SIDT1: variants seen among roughly 807,000 people sequenced by gnomAD.
SIDT1 encodes SID1 transmembrane family, member 1.
In SIDT1, 101 loss-of-function variants were observed where a neutral mutation model predicts 107.5. The ratio of observed to expected loss-of-function variants is 0.94; its 90% confidence interval spans 0.80 to 1.11. SIDT1 has a LOEUF of 1.11. Among genes scored for constraint, SIDT1 ranks in the 50% least tolerant of loss-of-function variants. The pLI is 0.00. For synonymous variants in SIDT1, 395 were observed against 398.2 expected (o/e 0.99, Z 0.10); for missense variants, 1,076 against 1,058.2 (o/e 1.02, Z -0.23).
chr3:113,607,375 G>A (rs1945411698), intron 15 of SIDT1, among the ~76,000 whole-genome samples: 1 of 152,188 alleles, frequency 6.6e-6, no homozygotes, highest in Non-Finnish European at 1.5e-5. Flanking sequence ...TAGCTCTGGT[G>A]GCATTTGTTC....
intron 3 of SIDT1, among the ~76,000 whole-genome samples, chr3:113,575,819 G>A (rs1284259736): frequency 6.6e-6 from 1 of 152,180 alleles, no homozygotes; most frequent in East Asian, 1.9e-4. Context: ...AAAAATTAGA[G>A]TGGAAAGAAA....
At chr3:113,567,935 T>A (rs1942074301) in intron 3 of SIDT1, 1 of 445,776 alleles carries the variant, frequency 2.2e-6, no homozygotes, top group Non-Finnish European at 3.9e-6. Flanking sequence ...CAGGTGAATC[T>A]GTTTTCAGGG....
chr3:113,539,441 T>C (rs1175364491), intron 1 of SIDT1, among the ~76,000 whole-genome samples: 1 of 152,164 alleles, frequency 6.6e-6, no homozygotes, highest in African/African-American at 2.4e-5. Flanking sequence ...TCCAAGTCTA[T>C]TCCTTGGAGC....
At chr3:113,631,042 A>G (rs1248904575), downstream of SIDT1, among the ~76,000 whole-genome samples, 1 of 151,956 alleles carries the variant, frequency 6.6e-6, no homozygotes, top group Non-Finnish European at 1.5e-5. Context: ...TTGTAGCTGC[A>G]TTTCTCTGAC....
intron 1 of SIDT1, among the ~76,000 whole-genome samples, chr3:113,548,124 T>A (rs1464884188): frequency 6.6e-6 from 1 of 152,088 alleles, no homozygotes; most frequent in African/African-American, 2.4e-5. Context: ...TTTGACTTAA[T>A]TTGCTTCCTC....
intron 1 of SIDT1, among the ~76,000 whole-genome samples, chr3:113,554,223 G>A (rs1216516701): frequency 6.6e-6 from 1 of 152,150 alleles, no homozygotes; most frequent in Non-Finnish European, 1.5e-5. Flanking sequence ...CCCAAAGTAT[G>A]TTCGATGGAA....
At chr3:113,534,154 T>C (rs1035870313) in intron 1 of SIDT1, among the ~76,000 whole-genome samples, 2 of 152,172 alleles carry the variant, frequency 1.3e-5, no homozygotes, top group African/African-American at 4.8e-5. Context: ...CTTCTTCCCA[T>C]ATAAATGTGT....
At chr3:113,556,073 T>A (rs1402198515) in intron 1 of SIDT1, among the ~76,000 whole-genome samples, 1 of 152,160 alleles carries the variant, frequency 6.6e-6, no homozygotes, top group Non-Finnish European at 1.5e-5. Flanking sequence ...GGTGTTACTG[T>A]TTCCATTCTA....
rs1560118196 is a variant in SIDT1, at chr3:113,608,408, T to C, written c.1603-11T>C. On this transcript the variant is annotated splice_polypyrimidine_tract_variant and intron_variant, in intron 16 of 24. Coordinates refer to ENST00000264852, the MANE Select transcript of SIDT1 (RefSeq NM_017699.3). The stretch of plus-strand genomic sequence containing the variant: ...TTTAGTATCTATTGACCACCCTTTC[T>C]CCTTTTTCAGGAGTACGGGATTCCC... 1 of 1,600,004 alleles carries C rather than the reference T, an allele frequency of 6.2e-7. No homozygotes were observed. Among genetic ancestry groups the C allele is most frequent in the African/African-American group, 1.3e-5 (1 of 74,776 alleles).
intron 11 of SIDT1, among the ~76,000 whole-genome samples, chr3:113,602,251 T>C (rs889952590): frequency 8.5e-5 from 13 of 152,226 alleles, no homozygotes; most frequent in African/African-American, 3.1e-4. Context: ...ATATTGCTTG[T>C]GGACCTATGA....
intron 1 of SIDT1, among the ~76,000 whole-genome samples, chr3:113,533,686 G>C (rs967993542): frequency 2.6e-5 from 4 of 152,200 alleles, no homozygotes. Context: ...GCATGGGGAG[G>C]GAGAACTGCT....
chr3:113,580,601 T>C lies in SIDT1; in HGVS notation c.562-7T>C. ...ATAAATCATGTCTTTCTTTTTCTTA[T>C]TCTCAGTATTTTCTATACAAGTTTC... On this transcript the variant is annotated splice_polypyrimidine_tract_variant and splice_region_variant and intron_variant, in intron 4 of 24. Transcript: ENST00000264852. 3 of 1,535,398 alleles carry C rather than the reference T, an allele frequency of 2.0e-6. No individual in the cohort carries two copies. Among genetic ancestry groups the C allele is most frequent in the Non-Finnish European group, 2.7e-6 (3 of 1,109,244 alleles).
chr3:113,580,637 G>T lies in SIDT1; in HGVS notation c.591G>T (p.Val197=). 1 of 1,610,922 alleles carries T rather than the reference G, an allele frequency of 6.2e-7. No homozygotes were observed. Among genetic ancestry groups the T allele is most frequent in the Non-Finnish European group, 8.5e-7 (1 of 1,177,332 alleles). The change falls in exon 5 of 25, where the codon GTG becomes GTT. Residue 197 remains valine (V), a synonymous_variant. Coordinates refer to ENST00000264852, the MANE Select transcript of SIDT1 (RefSeq NM_017699.3). ...TTCTATACAAGTTTCCCAAAGACGTGGACTCAGTTATCATTAAAGTGGTGT... is the reference window on the plus strand; with the variant it reads ...TTCTATACAAGTTTCCCAAAGACGTTGACTCAGTTATCATTAAAGTGGTGT... ...QYFLYKFPKD[V]DSVIIKVVSE...
chr3:113,598,394 G>A (rs1023812250), intron 10 of SIDT1, among the ~76,000 whole-genome samples: 2 of 152,038 alleles, frequency 1.3e-5, no homozygotes, highest in Non-Finnish European at 2.9e-5. Context: ...AGAGAACATT[G>A]GCTCCCACGA....
At chr3:113,619,541 G>A (rs1448920824) in intron 20 of SIDT1, 139 bp from the exon 21 acceptor site, 1 of 723,876 alleles carries the variant, frequency 1.4e-6, no homozygotes, top group Non-Finnish European at 2.4e-6. Flanking sequence ...TCAGATCATA[G>A]GCAAGGCACT....
At chr3:113,616,032 G>T in intron 19 of SIDT1, 68 bp from the exon 20 acceptor site, 1 of 1,065,502 alleles carries the variant, frequency 9.4e-7, no homozygotes, top group East Asian at 2.4e-5. Flanking sequence ...CCAAAACCTT[G>T]GGCCACTTCA....
At chr3:113,574,251 A>T (rs1447990962) in intron 3 of SIDT1, among the ~76,000 whole-genome samples, 1 of 152,220 alleles carries the variant, frequency 6.6e-6, no homozygotes, top group Non-Finnish European at 1.5e-5. Flanking sequence ...CGGAGTTTAT[A>T]CTTAGACCAG....
intron 1 of SIDT1, among the ~76,000 whole-genome samples, chr3:113,555,242 C>T (rs1197578334): frequency 6.6e-6 from 1 of 152,172 alleles, no homozygotes; most frequent in African/African-American, 2.4e-5. Context: ...TCCTACTCAT[C>T]CTTTAGGACA....
intron 1 of SIDT1, among the ~76,000 whole-genome samples, chr3:113,550,231 T>C (rs1343043420): frequency 5.9e-5 from 9 of 152,242 alleles, no homozygotes; most frequent in Admixed American, 5.9e-4. Context: ...AAATTTCTTA[T>C]GAACATGGTC....
Sources: gnomAD v4.1 joint callset for allele counts (sites outside exome capture counted in the v4.1 genomes callset) on GRCh38, gnomAD v4.1.1 for gene constraint, MANE v1.5 for transcripts, NCBI Gene and HGNC (gene_info 2026-07-23, HGNC 2026-07-21) for gene names.